ZC3H12B: variants seen among roughly 807,000 people sequenced by gnomAD.
ZC3H12B encodes the protein probable ribonuclease ZC3H12B.
Under a neutral mutation model 43.9 loss-of-function variants are expected in ZC3H12B, and 7 were observed. The observed-to-expected ratio is 0.16, with a 90% CI of 0.09 to 0.30. The LOEUF is 0.30. ZC3H12B is among the 10% of genes least tolerant of loss of function. The pLI is 1.00. For synonymous variants in ZC3H12B, 222 were observed against 241.7 expected, an observed-to-expected ratio of 0.92 and a Z score of 0.76; for missense variants, 475 against 670.2, an observed-to-expected ratio of 0.71 and a Z score of 3.22.
chrX:65,407,851 G>C (rs1210638301), intron 3 of ZC3H12B, among the ~76,000 whole-genome samples: 1 of 113,421 alleles, frequency 8.8e-6, no homozygotes, highest in Admixed American at 9.2e-5. Flanking sequence ...GGCCTGGGGC[G>C]CCCACTAATG....
chrX:65,207,330 G>C, the ZC3H12B span, among the ~76,000 whole-genome samples: 1 of 109,194 alleles, frequency 9.2e-6, no homozygotes, highest in African/African-American at 3.3e-5. Flanking sequence ...AATGGCATTT[G>C]AAGCCACCCG....
chrX:65,279,172 G>A, the ZC3H12B span, among the ~76,000 whole-genome samples: 2 of 110,869 alleles, frequency 1.8e-5, no homozygotes, highest in East Asian at 2.8e-4. Flanking sequence ...TTGCTGGGTC[G>A]AATGGTACTT....
intron 3 of ZC3H12B, among the ~76,000 whole-genome samples, chrX:65,424,180 C>G (rs2067053005): frequency 1.8e-5 from 2 of 111,812 alleles, no homozygotes; most frequent in African/African-American, 6.5e-5. Flanking sequence ...GAGATGGTAT[C>G]TCATTGTGGT....
chrX:65,278,039 A>G, the ZC3H12B span, among the ~76,000 whole-genome samples: 1 of 112,087 alleles, frequency 8.9e-6, no homozygotes, highest in Admixed American at 9.4e-5. Flanking sequence ...CCAACTTCAA[A>G]AATAAATAAT....
chrX:65,058,705 C>T, the ZC3H12B span, among the ~76,000 whole-genome samples: 2 of 112,118 alleles, frequency 1.8e-5, no homozygotes, highest in East Asian at 5.7e-4. Context: ...AGACCTCCTT[C>T]AGCTGTGGTG....
chrX:65,155,565 G>C, the ZC3H12B span, among the ~76,000 whole-genome samples: 8 of 111,626 alleles, frequency 7.2e-5, no homozygotes, highest in African/African-American at 2.0e-4. Context: ...CATAAAAACA[G>C]CTGGGAGCCA....
the ZC3H12B span, among the ~76,000 whole-genome samples, chrX:65,200,745 A>T: frequency 9.0e-6 from 1 of 110,515 alleles, no homozygotes; most frequent in African/African-American, 3.3e-5. Context: ...CTCTTATTAT[A>T]GTTTCTTCTG....
the ZC3H12B span, among the ~76,000 whole-genome samples, chrX:65,225,825 A>G: frequency 8.9e-6 from 1 of 111,804 alleles, no homozygotes; most frequent in Non-Finnish European, 1.9e-5. Flanking sequence ...AGTTTAGAGA[A>G]AAAAGAACAA....
At chrX:65,228,377 C>T in the ZC3H12B span, among the ~76,000 whole-genome samples, 5 of 111,386 alleles carry the variant, frequency 4.5e-5, no homozygotes, top group African/African-American at 9.8e-5. Flanking sequence ...ATTGATGGGA[C>T]GTATCTCAAA....
At chrX:65,226,580 G>C in the ZC3H12B span, among the ~76,000 whole-genome samples, 1 of 111,500 alleles carries the variant, frequency 9.0e-6, no homozygotes, top group Non-Finnish European at 1.9e-5. Context: ...AAAAGACACA[G>C]ACTGGCAAAT....
intron 3 of ZC3H12B, among the ~76,000 whole-genome samples, chrX:65,477,355 C>G (rs1176271305): frequency 9.9e-6 from 1 of 101,060 alleles, no homozygotes; most frequent in Non-Finnish European, 1.9e-5. Context: ...GGAGGTTAAA[C>G]AAGCATTATA....
At chrX:65,267,288 G>A in the ZC3H12B span, among the ~76,000 whole-genome samples, 1 of 104,694 alleles carries the variant, frequency 9.6e-6, no homozygotes, top group African/African-American at 3.6e-5. Context: ...AGTATTCACT[G>A]GCTACACAAG....
chrX:65,494,445 C>T (rs1209158593), intron 1 of ZC3H12B, among the ~76,000 whole-genome samples: 1 of 109,324 alleles, frequency 9.1e-6, no homozygotes, highest in African/African-American at 3.3e-5. Flanking sequence ...CACCATGTTG[C>T]CAAGGCTGAA....
At chrX:65,256,253 G>A in the ZC3H12B span, among the ~76,000 whole-genome samples, 2 of 111,950 alleles carry the variant, frequency 1.8e-5, no homozygotes, top group African/African-American at 6.5e-5. Flanking sequence ...ATCTGCATAT[G>A]GCACATAGTC....
intron 3 of ZC3H12B, among the ~76,000 whole-genome samples, chrX:65,413,617 C>T (rs2066928724): frequency 8.9e-6 from 1 of 112,235 alleles, no homozygotes; most frequent in Admixed American, 9.4e-5. Flanking sequence ...TCTGTACTCC[C>T]AATTCTGTTA....
chrX:65,338,038 T>C, the ZC3H12B span, among the ~76,000 whole-genome samples: 2 of 112,375 alleles, frequency 1.8e-5, no homozygotes, highest in African/African-American at 6.5e-5. Flanking sequence ...AAGGTTAATA[T>C]TGATATGTGA....
At chrX:65,423,821 T>C (rs186273965) in intron 3 of ZC3H12B, among the ~76,000 whole-genome samples, 550 of 112,228 alleles carry the variant, frequency 4.9e-3, no homozygotes, top group Admixed American at 0.011. Context: ...ACTCTGATGA[T>C]AGTTCCTTTG....
chrX:65,293,262 G>T, the ZC3H12B span, among the ~76,000 whole-genome samples: 1 of 110,345 alleles, frequency 9.1e-6, no homozygotes, highest in South Asian at 3.9e-4. Flanking sequence ...CAATCACTGT[G>T]GTTCAGTTCT....
the ZC3H12B span, among the ~76,000 whole-genome samples, chrX:65,039,182 T>C: frequency 8.9e-6 from 1 of 111,890 alleles, no homozygotes; most frequent in Non-Finnish European, 1.9e-5. Flanking sequence ...ACAGTTATTC[T>C]CTCAGTATCA....
Sources: gnomAD v4.1 joint callset for allele counts (sites outside exome capture counted in the v4.1 genomes callset) on GRCh38, gnomAD v4.1.1 for gene constraint, MANE v1.5 for transcripts, NCBI Gene and HGNC (gene_info 2026-07-23, HGNC 2026-07-21) for gene names.